CHST9: variants seen among roughly 807,000 people sequenced by gnomAD.
CHST9 encodes the protein GalNAc-4-sulfotransferase 2.
CHST9 carries 41 observed loss-of-function variants against 44.4 expected under a neutral mutation model. The ratio of observed to expected loss-of-function variants is 0.92; its 90% CI spans 0.72 to 1.20. The LOEUF (loss-of-function observed/expected upper bound fraction) is 1.20. CHST9 is among the 50% of genes most tolerant of loss of function. The pLI is 0.00. For missense variants in CHST9, 504 were observed against 516.5 expected (o/e 0.98, Z 0.23); for synonymous variants, 171 against 178.4 (o/e 0.96, Z 0.33).
intron 4 of CHST9, among the ~76,000 whole-genome samples, chr18:26,957,396 T>C (rs2056339600): frequency 6.6e-6 from 1 of 152,164 alleles, no homozygotes; most frequent in Admixed American, 6.5e-5. Context: ...GGTACTAATA[T>C]AGATAGTGTA....
At chr18:27,041,926 A>T (rs544854920) in intron 3 of CHST9, among the ~76,000 whole-genome samples, 25 of 152,286 alleles carry the variant, frequency 1.6e-4, no homozygotes, top group African/African-American at 5.8e-4. Flanking sequence ...TTCATTCAAT[A>T]ATAAATATTG....
intron 4 of CHST9, among the ~76,000 whole-genome samples, chr18:26,986,757 G>A (rs1246889341): frequency 1.3e-5 from 2 of 152,144 alleles, no homozygotes; most frequent in Non-Finnish European, 2.9e-5. Context: ...AACAATGCAT[G>A]TAAAAGATCT....
At chr18:26,998,915 G>A (rs1267412056) in intron 4 of CHST9, among the ~76,000 whole-genome samples, 2 of 152,180 alleles carry the variant, frequency 1.3e-5, no homozygotes, top group Non-Finnish European at 2.9e-5. Flanking sequence ...TTCCCTCAGG[G>A]GACAGTGAGG....
At chr18:27,072,817 T>C (rs373767797) in intron 2 of CHST9, among the ~76,000 whole-genome samples, 2 of 152,298 alleles carry the variant, frequency 1.3e-5, no homozygotes, top group African/African-American at 2.4e-5. Flanking sequence ...TTAAGACTTA[T>C]TGGTCCAGTA....
intron 4 of CHST9, among the ~76,000 whole-genome samples, chr18:27,002,913 A>C (rs1422782197): frequency 6.6e-6 from 1 of 152,194 alleles, no homozygotes; most frequent in Non-Finnish European, 1.5e-5. Context: ...AGAAATGTGA[A>C]AAGATGAAAA....
intron 1 of CHST9, among the ~76,000 whole-genome samples, chr18:27,182,578 G>A (rs1010848885): frequency 4.6e-5 from 7 of 152,194 alleles, no homozygotes; most frequent in African/African-American, 1.7e-4. Context: ...AACAAAGGAT[G>A]TATTATGTAA....
chr18:26,920,042 A>G (rs2055619316), intron 5 of CHST9, among the ~76,000 whole-genome samples: 1 of 152,056 alleles, frequency 6.6e-6, no homozygotes, highest in Non-Finnish European at 1.5e-5. Context: ...ATCTACCTTT[A>G]TCACTGATCT....
At chr18:26,927,588 T>C (rs1029768955) in intron 5 of CHST9, among the ~76,000 whole-genome samples, 1 of 152,124 alleles carries the variant, frequency 6.6e-6, no homozygotes, top group Non-Finnish European at 1.5e-5. Context: ...TTGATGTGCA[T>C]ATACATAAAC....
At chr18:27,154,012 T>C (rs2058679717) in intron 1 of CHST9, among the ~76,000 whole-genome samples, 1 of 152,082 alleles carries the variant, frequency 6.6e-6, no homozygotes, top group Non-Finnish European at 1.5e-5. Flanking sequence ...GAGAAACCTG[T>C]AGAGAAACAG....
At chr18:26,945,657 C>T (rs1289135058) in intron 4 of CHST9, among the ~76,000 whole-genome samples, 1 of 152,036 alleles carries the variant, frequency 6.6e-6, no homozygotes, top group African/African-American at 2.4e-5. Context: ...TTTGTTTAGC[C>T]ATTTACTCGT....
chr18:27,089,040 T>C (rs2058040793), intron 2 of CHST9, among the ~76,000 whole-genome samples: 1 of 152,238 alleles, frequency 6.6e-6, no homozygotes, highest in African/African-American at 2.4e-5. Flanking sequence ...TGGTTAGTTT[T>C]CCATAGTTTC....
rs1167489000 is a variant in CHST9 at position 26,908,944 on chromosome 18, CAT to C, written c.*7313_*7314del. 6.6e-6 allele frequency: 1 copy of C among 152,190 alleles called. No homozygotes were observed. The highest frequency in any genetic ancestry group is 1.5e-5 in the Non-Finnish European group (1 of 68,032). The allele number at this position is 152,190 out of a possible 1,614,324, so 9.4% of individuals were successfully genotyped here. A position where few individuals can be genotyped will look rare whatever the true frequency, so the allele number is the denominator to read the frequency against. ...CTTTTTAGTTTTTATTGGAGAAACT[CAT>C]ATTGTCTTCACTTGTTCAATGTGAA... On this transcript the variant is annotated 3_prime_UTR_variant, in exon 6 of 6. Transcript: ENST00000618847.
chr18:27,028,500 C>A (rs189261874), intron 3 of CHST9, among the ~76,000 whole-genome samples: 109 of 152,076 alleles, frequency 7.2e-4, no homozygotes, highest in African/African-American at 2.5e-3. Flanking sequence ...AATGAGAGAA[C>A]GGACAGAGTT....
At chr18:26,923,693 T>C (rs1598558731) in intron 5 of CHST9, among the ~76,000 whole-genome samples, 1 of 152,244 alleles carries the variant, frequency 6.6e-6, no homozygotes, top group South Asian at 2.1e-4. Context: ...ATGAGATAGA[T>C]AAAATTTGTG....
chr18:27,020,897 A>T (rs1290036028), intron 4 of CHST9, among the ~76,000 whole-genome samples: 1 of 152,164 alleles, frequency 6.6e-6, no homozygotes, highest in Non-Finnish European at 1.5e-5. Context: ...TTCCTAGTGG[A>T]TGGTGAGATA....
rs1296320622 is a variant in CHST9, at chr18:27,053,345, AAAG to A, written c.122-4845_122-4843del. ...AGGAGAAGATTTCATTAAAAAAAAA[AAAG>A]CAATAATTATAGTCCCCTACAAAAC... On this transcript the variant is annotated intron_variant, in intron 2 of 5. Coordinates refer to ENST00000618847, the MANE Select transcript of CHST9 (RefSeq NM_031422.6). Among the ~76,000 whole-genome samples, 4 of 67,076 alleles carry A rather than the reference AAAG, an allele frequency of 6.0e-5. 2 individuals carry two copies. Among genetic ancestry groups the A allele is most frequent in the African/African-American group, 1.1e-4 (2 of 17,996 alleles). The allele number at this position is 67,076 out of a possible 152,430, so 44.0% of individuals were successfully genotyped here. A position where few individuals can be genotyped will look rare whatever the true frequency, so the allele number is the denominator to read the frequency against.
chr18:26,959,549 C>A (rs1361392407), intron 4 of CHST9, among the ~76,000 whole-genome samples: 1 of 152,146 alleles, frequency 6.6e-6, no homozygotes, highest in African/African-American at 2.4e-5. Flanking sequence ...ATGGAAGAGA[C>A]AGCGTTTGAT....
At chr18:27,058,594 T>G (rs574660663) in intron 2 of CHST9, among the ~76,000 whole-genome samples, 1 of 152,246 alleles carries the variant, frequency 6.6e-6, no homozygotes, top group East Asian at 1.9e-4. Context: ...AAGACCACCA[T>G]GCTGTAAGGA....
intron 5 of CHST9, among the ~76,000 whole-genome samples, chr18:26,933,945 A>T (rs1459944362): frequency 5.3e-5 from 8 of 152,202 alleles, no homozygotes; most frequent in Non-Finnish European, 8.8e-5. Context: ...TAGGGCTGAG[A>T]TCTTAATGAC....
Sources: gnomAD v4.1 joint callset for allele counts (sites outside exome capture counted in the v4.1 genomes callset) on GRCh38, gnomAD v4.1.1 for gene constraint, MANE v1.5 for transcripts, NCBI Gene and HGNC (gene_info 2026-07-23, HGNC 2026-07-21) for gene names.